Variants in FHIT observed in about 807,000 individuals in gnomAD.
The protein encoded by FHIT is fragile histidine triad diadenosine triphosphatase.
FHIT carries 19 observed loss-of-function variants against 17.9 expected under a neutral mutation model. That is an observed-to-expected ratio of 1.06 (90% CI 0.74 to 1.56). FHIT has a LOEUF of 1.56. Ranked by LOEUF, FHIT falls within the 40% of genes most tolerant of loss-of-function variation. FHIT has a pLI of 0.00. For missense variants in FHIT, 248 were observed against 189.2 expected (o/e 1.31, Z -1.82); for synonymous variants, 81 against 69.7 (o/e 1.16, Z -0.81).
chr3:61,052,773 G>A (rs565464391), intron 2 of FHIT, among the ~76,000 whole-genome samples: 1 of 152,250 alleles, frequency 6.6e-6, no homozygotes, highest in African/African-American at 2.4e-5. Context: ...TGCTTAGAAT[G>A]AACACATTTA....
At chr3:60,748,053 G>C (rs1553715836) in intron 4 of FHIT, among the ~76,000 whole-genome samples, 1 of 152,168 alleles carries the variant, frequency 6.6e-6, no homozygotes, top group East Asian at 1.9e-4. Flanking sequence ...TGACTAGACT[G>C]CTGGGGGCCT....
At chr3:60,947,087 T>C (rs1402505138) in intron 3 of FHIT, among the ~76,000 whole-genome samples, 1 of 152,156 alleles carries the variant, frequency 6.6e-6, no homozygotes, top group Non-Finnish European at 1.5e-5. Context: ...CTCTGAGTCT[T>C]GAGGAAAAGG....
intron 7 of FHIT, among the ~76,000 whole-genome samples, chr3:60,006,942 ATCT>A (rs1022877361): frequency 3.9e-5 from 6 of 152,304 alleles, no homozygotes; most frequent in South Asian, 4.1e-4. Flanking sequence ...ACAAATAATT[ATCT>A]TCTTCTTCTA....
intron 3 of FHIT, among the ~76,000 whole-genome samples, chr3:60,937,201 A>G (rs1246339696): frequency 2.0e-5 from 3 of 152,232 alleles, no homozygotes; most frequent in Non-Finnish European, 4.4e-5. Context: ...AGAAATGTAG[A>G]TTCCACAGAC....
intron 3 of FHIT, among the ~76,000 whole-genome samples, chr3:61,036,130 G>C (rs570729834): frequency 6.6e-6 from 1 of 152,300 alleles, no homozygotes; most frequent in South Asian, 2.1e-4. Context: ...CTTCTGGGGA[G>C]GCCTCAGGGA....
chr3:60,374,828 A>G (rs1470941474), intron 5 of FHIT, among the ~76,000 whole-genome samples: 2 of 152,128 alleles, frequency 1.3e-5, no homozygotes, highest in East Asian at 3.9e-4. Context: ...TAAAAAGTCT[A>G]TTAAGTAGAA....
chr3:60,420,150 T>C (rs756638289), intron 5 of FHIT, among the ~76,000 whole-genome samples: 2 of 152,144 alleles, frequency 1.3e-5, no homozygotes, highest in African/African-American at 4.8e-5. Flanking sequence ...TGCGTAAATA[T>C]ACACCTAAAA....
intron 5 of FHIT, among the ~76,000 whole-genome samples, chr3:60,353,358 A>G (rs1225905763): frequency 6.6e-5 from 10 of 152,120 alleles, no homozygotes; most frequent in African/African-American, 2.4e-4. Context: ...GCACTATACA[A>G]AGTATACTAC....
chr3:60,324,549 G>T (rs1709590313), intron 5 of FHIT, among the ~76,000 whole-genome samples: 1 of 137,162 alleles, frequency 7.3e-6, no homozygotes, highest in South Asian at 2.4e-4. Context: ...CGCCAAGCCT[G>T]GGTGACAGAG....
intron 4 of FHIT, among the ~76,000 whole-genome samples, chr3:60,627,022 T>C (rs72872706): frequency 0.011 from 1,674 of 152,262 alleles, 38 homozygotes; most frequent in African/African-American, 0.039. Context: ...GTTAAAATGA[T>C]CTTGCATTTC....
At chr3:60,125,369 C>T (rs1286208977) in intron 5 of FHIT, among the ~76,000 whole-genome samples, 2 of 152,162 alleles carry the variant, frequency 1.3e-5, no homozygotes, top group African/African-American at 2.4e-5. Context: ...TAGTGGCTTA[C>T]GCCTGTAATT....
intron 3 of FHIT, among the ~76,000 whole-genome samples, chr3:60,863,371 C>A (rs1704008650): frequency 6.6e-6 from 1 of 152,158 alleles, no homozygotes; most frequent in Non-Finnish European, 1.5e-5. Flanking sequence ...CCCAGTGAGA[C>A]ATGTATTGGG....
chr3:60,404,491 G>C (rs1210286453), intron 5 of FHIT, among the ~76,000 whole-genome samples: 1 of 152,122 alleles, frequency 6.6e-6, no homozygotes, highest in Non-Finnish European at 1.5e-5. Flanking sequence ...AATAAGGTTT[G>C]AAGTCACTTC....
At chr3:60,308,099 G>A (rs1708767157) in intron 5 of FHIT, among the ~76,000 whole-genome samples, 1 of 152,118 alleles carries the variant, frequency 6.6e-6, no homozygotes, top group Non-Finnish European at 1.5e-5. Context: ...AATCTTGGGA[G>A]TTGAACTTGA....
intron 5 of FHIT, among the ~76,000 whole-genome samples, chr3:60,384,036 G>A (rs1036664833): frequency 5.3e-5 from 8 of 152,094 alleles, no homozygotes; most frequent in South Asian, 2.1e-4. Flanking sequence ...TTGGGAGGCC[G>A]AGGTGGGTGG....
At chr3:59,863,376 G>A (rs537707204) in intron 8 of FHIT, among the ~76,000 whole-genome samples, 1 of 152,158 alleles carries the variant, frequency 6.6e-6, no homozygotes, top group Non-Finnish European at 1.5e-5. Flanking sequence ...AAACCATTGG[G>A]TATCCCTGAA....
intron 5 of FHIT, among the ~76,000 whole-genome samples, chr3:60,515,367 C>T (rs993187456): frequency 5.3e-5 from 8 of 151,938 alleles, no homozygotes; most frequent in African/African-American, 9.7e-5. Context: ...ATTTACGGGA[C>T]GTGAAATGCA....
intron 5 of FHIT, among the ~76,000 whole-genome samples, chr3:60,210,682 C>A (rs114189044): frequency 0.012 from 1,828 of 152,144 alleles, 38 homozygotes; most frequent in African/African-American, 0.041. Context: ...CAAATGCAAT[C>A]GAAAACAATA....
At chr3:61,002,289 G>T (rs921094863) in intron 3 of FHIT, among the ~76,000 whole-genome samples, 4 of 152,128 alleles carry the variant, frequency 2.6e-5, no homozygotes, top group African/African-American at 9.7e-5. Context: ...TTTGAGACAA[G>T]GTCTTGCTCT....
Sources: gnomAD v4.1 joint callset for allele counts (sites outside exome capture counted in the v4.1 genomes callset) on GRCh38, gnomAD v4.1.1 for gene constraint, MANE v1.5 for transcripts, NCBI Gene and HGNC (gene_info 2026-07-23, HGNC 2026-07-21) for gene names.